The following RPTOR variants were observed in gnomAD, a reference collection of about 807,000 sequenced individuals.
The protein encoded by RPTOR is regulatory-associated protein of mTOR.
Under a neutral mutation model 169.9 loss-of-function variants are expected in RPTOR, and 21 were observed. The ratio of observed to expected loss-of-function variants is 0.12; its 90% CI spans 0.09 to 0.18. RPTOR has a LOEUF of 0.18. RPTOR is among the 10% of genes least tolerant of loss of function. The probability of loss-of-function intolerance (pLI) is 1.00; values close to 1 mark genes in which losing one functional copy is unlikely to be tolerated. For synonymous variants in RPTOR, 732 were observed against 753.2 expected, an observed-to-expected ratio of 0.97 and a Z score of 0.46; for missense variants, 1,133 against 1,855.9, an observed-to-expected ratio of 0.61 and a Z score of 7.16.
chr17:80,653,860 C>T lies in RPTOR; in HGVS notation c.348+10050C>T, dbSNP rs117343332. Among the ~76,000 whole-genome samples, 196 of 152,314 alleles carry T rather than the reference C, an allele frequency of 1.3e-3. 6 individuals are homozygous for T. The East Asian group carries it at 0.035, about 27-fold the overall frequency. ...CCAGCTGTGTTCACATCCTAGTGGT[C>T]CCTGGTCCTAAACCACCTCCTGACT... On this transcript the variant is annotated intron_variant, in intron 3 of 33. Transcript: ENST00000306801.
intron 25 of RPTOR, 97 bp from the exon 26 acceptor site, chr17:80,945,570 C>G: frequency 2.9e-6 from 2 of 701,696 alleles, no homozygotes; most frequent in Non-Finnish European, 4.6e-6. Flanking sequence ...CCAGCCTGGG[C>G]GACAGAGCGA....
At chr17:80,876,801 A>T (rs373653770) in intron 13 of RPTOR, among the ~76,000 whole-genome samples, 1 of 52,916 alleles carries the variant, frequency 1.9e-5, no homozygotes, top group African/African-American at 7.5e-5. Context: ...CCCGTGCCAC[A>T]CAGGGTGTGT....
chr17:80,615,868 G>A (rs12451459), intron 1 of RPTOR, among the ~76,000 whole-genome samples: 35,560 of 152,046 alleles, frequency 0.23, 5,208 homozygotes, highest in East Asian at 0.41. Flanking sequence ...AGTGGGGCCC[G>A]GAGGCCTTTC....
intron 3 of RPTOR, among the ~76,000 whole-genome samples, chr17:80,683,367 G>C (rs907245626): frequency 6.6e-6 from 1 of 152,202 alleles, no homozygotes; most frequent in Non-Finnish European, 1.5e-5. Flanking sequence ...GCTTCCTCAG[G>C]TGCTGTCGGA....
intron 33 of RPTOR, among the ~76,000 whole-genome samples, chr17:80,963,350 C>T (rs1020837606): frequency 6.6e-6 from 1 of 152,034 alleles, no homozygotes; most frequent in Non-Finnish European, 1.5e-5. Flanking sequence ...CTGGGGACCT[C>T]CAGGAGAGTC....
chr17:80,862,721 C>T (rs935906921), intron 13 of RPTOR, among the ~76,000 whole-genome samples: 3 of 152,196 alleles, frequency 2.0e-5, no homozygotes, highest in African/African-American at 4.8e-5. Flanking sequence ...TCCGGGGCTC[C>T]GCCCCCACAT....
intron 2 of RPTOR, among the ~76,000 whole-genome samples, chr17:80,630,751 T>G (rs2065435818): frequency 6.6e-6 from 1 of 152,204 alleles, no homozygotes; most frequent in South Asian, 2.1e-4. Flanking sequence ...TGCATTAGGG[T>G]GGGTACAGGC....
chr17:80,784,700 C>CT (rs201356839), intron 6 of RPTOR, among the ~76,000 whole-genome samples: 1,913 of 137,378 alleles, frequency 0.014, 33 homozygotes, highest in African/African-American at 0.04. Flanking sequence ...GCCTATTTTA[C>CT]TTTTTTTTTT....
chr17:80,902,960 A>G (rs1279025198), intron 20 of RPTOR, among the ~76,000 whole-genome samples: 2 of 152,250 alleles, frequency 1.3e-5, no homozygotes, highest in African/African-American at 4.8e-5. Flanking sequence ...CTCTTCCCGC[A>G]GAAACAGCCT....
intron 1 of RPTOR, among the ~76,000 whole-genome samples, chr17:80,586,880 G>T (rs1373176483): frequency 1.3e-5 from 2 of 152,154 alleles, no homozygotes; most frequent in Non-Finnish European, 2.9e-5. Context: ...AGCTGTTCCT[G>T]TTCCTTGGAC....
At chr17:80,756,543 G>A (rs2066682657) in intron 6 of RPTOR, among the ~76,000 whole-genome samples, 1 of 152,212 alleles carries the variant, frequency 6.6e-6, no homozygotes, top group African/African-American at 2.4e-5. Flanking sequence ...TGGTGGAATA[G>A]AAGCCTCCAC....
rs2069095892 is a variant in RPTOR at position 80,945,796 on chromosome 17, G to A, written c.3140+15G>A. 6.6e-7 allele frequency: 1 copy of A among 1,511,234 alleles called. No homozygotes were observed. The highest frequency in any genetic ancestry group is 1.4e-5 in the African/African-American group (1 of 70,518). The allele number at this position is 1,511,234 out of a possible 1,614,324, so 93.6% of individuals were successfully genotyped here. A position where few individuals can be genotyped will look rare whatever the true frequency, so the allele number is the denominator to read the frequency against. ...GACAGCATCTGGTATGCACCGCGCT[G>A]GTCAGGCCTCCCTTCCGGCTGACCG... On this transcript the variant is annotated intron_variant, in intron 26 of 33. Coordinates refer to ENST00000306801, the MANE Select transcript of RPTOR (RefSeq NM_020761.3).
Position 80,823,476 on chromosome 17 carries a change from A to G in RPTOR, c.1136+253A>G, listed in dbSNP as rs974777879. On this transcript the variant is annotated intron_variant, in intron 9 of 33. Transcript: ENST00000306801. This position sits in a 1 kb window ranked among gnomAD's most constrained non-coding sequence, Gnocchi z 4.5. Reference sequence around the variant, plus strand: ...GAGCAGCGGCCGGCTGAAGCCTCACAGCTCTGCAACTCGGGAGGGTAGCAC... The same window carrying G: ...GAGCAGCGGCCGGCTGAAGCCTCACGGCTCTGCAACTCGGGAGGGTAGCAC... 4.9e-6 allele frequency: 2 copies of G among 410,054 alleles called. No individual in the cohort carries two copies. Among genetic ancestry groups the G allele is most frequent in the Admixed American group, 4.1e-5 (1 of 24,444 alleles). 25.4% of individuals were successfully genotyped at this position (410,054 alleles called of 1,614,324 possible). A position where few individuals can be genotyped will look rare whatever the true frequency, so the allele number is the denominator to read the frequency against.
intron 13 of RPTOR, among the ~76,000 whole-genome samples, chr17:80,870,320 G>A (rs1468116335): frequency 2.0e-5 from 3 of 152,180 alleles, no homozygotes; most frequent in Non-Finnish European, 4.4e-5. Context: ...GAAGGAACCC[G>A]CACTATGAAG....
chr17:80,856,672 C>T (rs184647345), intron 12 of RPTOR, among the ~76,000 whole-genome samples: 8 of 152,254 alleles, frequency 5.3e-5, no homozygotes, highest in African/African-American at 1.7e-4. Flanking sequence ...TTGGTGTGTG[C>T]GTGGTGGTGT....
At chr17:80,560,451 C>T (rs1218131103) in intron 1 of RPTOR, among the ~76,000 whole-genome samples, 1 of 152,186 alleles carries the variant, frequency 6.6e-6, no homozygotes. Flanking sequence ...GTTTTCCAGT[C>T]TATCAGGGCA....
intron 25 of RPTOR, among the ~76,000 whole-genome samples, chr17:80,944,660 G>A (rs532258327): frequency 5.3e-5 from 8 of 152,182 alleles, no homozygotes; most frequent in East Asian, 1.9e-4. Flanking sequence ...TATTGACGTC[G>A]GCCATGATAA....
chr17:80,669,960 A>G (rs1042580911), intron 3 of RPTOR, among the ~76,000 whole-genome samples: 1 of 152,246 alleles, frequency 6.6e-6, no homozygotes, highest in African/African-American at 2.4e-5. Context: ...GAGACAGTCT[A>G]CAACATCACT....
intron 6 of RPTOR, among the ~76,000 whole-genome samples, chr17:80,770,793 T>C (rs1056289964): frequency 3.3e-5 from 5 of 152,196 alleles, no homozygotes; most frequent in African/African-American, 1.2e-4. Context: ...CACAAATGTT[T>C]GTACTCAAAT....
Sources: allele counts gnomAD v4.1 joint callset (sites outside exome capture counted in the v4.1 genomes callset), GRCh38; gene constraint gnomAD v4.1.1; non-coding constraint Gnocchi (gnomAD v3.1); transcripts MANE v1.5; gene names NCBI Gene and HGNC (gene_info 2026-07-23, HGNC 2026-07-21).